Variants in SRGAP1 observed in about 807,000 individuals in gnomAD.
The protein encoded by SRGAP1 is SLIT-ROBO Rho GTPase activating protein 1.
In SRGAP1, 43 loss-of-function variants were observed where a neutral mutation model predicts 121.9. The observed-to-expected ratio is 0.35, with a 90% confidence interval of 0.28 to 0.46. SRGAP1 has a LOEUF of 0.46. Ranked by LOEUF, SRGAP1 falls within the 20% of genes least tolerant of loss-of-function variation. SRGAP1 has a pLI of 1.00. For synonymous variants in SRGAP1, 447 were observed against 485.4 expected (o/e 0.92, Z 1.04); for missense variants, 1,102 against 1,350.9 (o/e 0.82, Z 2.89).
chr12:64,028,087 G>A (rs1436434456), intron 4 of SRGAP1, among the ~76,000 whole-genome samples: 1 of 152,188 alleles, frequency 6.6e-6, no homozygotes, highest in Non-Finnish European at 1.5e-5. Flanking sequence ...AGTAAATTTG[G>A]TGGGCTTTCA....
intron 1 of SRGAP1, among the ~76,000 whole-genome samples, chr12:63,865,109 T>C (rs1358254625): frequency 3.3e-5 from 5 of 152,074 alleles, no homozygotes; most frequent in African/African-American, 4.8e-5. Flanking sequence ...TTAATCAAAA[T>C]AGGAAGCATT....
intron 1 of SRGAP1, among the ~76,000 whole-genome samples, chr12:63,903,704 G>A (rs1317251671): frequency 6.6e-6 from 1 of 151,856 alleles, no homozygotes; most frequent in African/African-American, 2.4e-5. Context: ...GTGTGGTCTT[G>A]GCTTACTGCA....
At chr12:63,906,621 A>G (rs1294929359) in intron 1 of SRGAP1, among the ~76,000 whole-genome samples, 4 of 151,930 alleles carry the variant, frequency 2.6e-5, no homozygotes, top group Admixed American at 2.0e-4. Context: ...CTGATTTTAC[A>G]TTTTACTTAT....
Position 64,097,434 on chromosome 12 carries a change from G to A in SRGAP1, c.1813+59G>A, listed in dbSNP as rs934198889. 33 of 1,579,708 alleles carry A rather than the reference G, an allele frequency of 2.1e-5. No individual in the cohort carries two copies. In the African/African-American group the frequency reaches 4.1e-4, roughly 19 times the overall value. On this transcript the variant is annotated intron_variant, in intron 15 of 21. Transcript: ENST00000355086. ...GAATTATTTCACTAGCTAACTTCCT[G>A]GAAAAGGCAGTGGCCCCCCTCCATA...
chr12:64,060,455 A>G (rs2035430503), intron 6 of SRGAP1, among the ~76,000 whole-genome samples: 1 of 151,456 alleles, frequency 6.6e-6, no homozygotes, highest in Non-Finnish European at 1.5e-5. Flanking sequence ...CAGTCCTCCC[A>G]CCTTGGCCCC....
chr12:64,001,156 C>T (rs1434507671), intron 3 of SRGAP1, among the ~76,000 whole-genome samples: 1 of 152,088 alleles, frequency 6.6e-6, no homozygotes, highest in Non-Finnish European at 1.5e-5. Context: ...AAAAAGAACA[C>T]AGATTAGGTC....
At chr12:63,980,187 G>A (rs1344976647) in intron 1 of SRGAP1, among the ~76,000 whole-genome samples, 4 of 152,166 alleles carry the variant, frequency 2.6e-5, no homozygotes, top group African/African-American at 9.7e-5. Flanking sequence ...TGGGTAGTTG[G>A]GATTGCAGGC....
chr12:64,048,877 A>G (rs2035184692), intron 6 of SRGAP1, among the ~76,000 whole-genome samples: 1 of 151,842 alleles, frequency 6.6e-6, no homozygotes, highest in Admixed American at 6.6e-5. Context: ...GAGTTGTTTG[A>G]GCTCCTTATA....
chr12:64,030,581 A>G (rs1187817784), intron 4 of SRGAP1, among the ~76,000 whole-genome samples: 1 of 152,236 alleles, frequency 6.6e-6, no homozygotes, highest in East Asian at 1.9e-4. Context: ...ATCATGGTTA[A>G]ATTTAGCATT....
At chr12:63,857,495 C>T (rs1338775082) in intron 1 of SRGAP1, among the ~76,000 whole-genome samples, 2 of 152,132 alleles carry the variant, frequency 1.3e-5, no homozygotes, top group African/African-American at 4.8e-5. Context: ...AATTCTCCTG[C>T]CTCAGCCTCC....
chr12:63,858,436 C>T (rs1024699493), intron 1 of SRGAP1, among the ~76,000 whole-genome samples: 1 of 151,894 alleles, frequency 6.6e-6, no homozygotes, highest in African/African-American at 2.4e-5. Context: ...CTGCCTCGGC[C>T]TTTCAAAGTG....
At chr12:64,142,173 A>G (rs567672965) in intron 21 of SRGAP1, 122 bp from the exon 22 acceptor site, 3 of 952,538 alleles carry the variant, frequency 3.1e-6, no homozygotes, top group Non-Finnish European at 4.7e-6. Flanking sequence ...TCTGCAGACT[A>G]TGGAGTCAAA....
intron 6 of SRGAP1, among the ~76,000 whole-genome samples, chr12:64,061,547 T>C (rs2035450283): frequency 6.6e-6 from 1 of 152,224 alleles, no homozygotes; most frequent in Non-Finnish European, 1.5e-5. Flanking sequence ...TTTATGGAGA[T>C]ACAATTCACA....
chr12:63,896,600 C>A (rs1465433658), intron 1 of SRGAP1, among the ~76,000 whole-genome samples: 1 of 152,150 alleles, frequency 6.6e-6, no homozygotes, highest in African/African-American at 2.4e-5. Context: ...TGGTCTAAAT[C>A]CATTGCCAAG....
intron 1 of SRGAP1, among the ~76,000 whole-genome samples, chr12:63,937,521 CTA>C (rs570486806): frequency 6.6e-6 from 1 of 152,124 alleles, no homozygotes; most frequent in Non-Finnish European, 1.5e-5. Context: ...TGTGACTTGT[CTA>C]TGACATCTGG....
intron 8 of SRGAP1, among the ~76,000 whole-genome samples, chr12:64,072,108 C>G (rs111269052): frequency 0.022 from 1,742 of 80,300 alleles, 46 homozygotes; most frequent in African/African-American, 0.062. Context: ...CAATCTCTCT[C>G]TGTGTGTGTG....
chr12:64,108,721 G>A (rs1565684220), intron 15 of SRGAP1: 1 of 365,538 alleles, frequency 2.7e-6, no homozygotes, highest in Non-Finnish European at 4.9e-6. Context: ...CATGAAAATC[G>A]GAGAAAACGG....
intron 4 of SRGAP1, among the ~76,000 whole-genome samples, chr12:64,026,047 T>C (rs2034647082): frequency 6.6e-6 from 1 of 152,076 alleles, no homozygotes; most frequent in African/African-American, 2.4e-5. Context: ...GAATTAGTTA[T>C]GATTAATGTT....
At chr12:64,138,252 G>T (rs918089701) in intron 21 of SRGAP1, among the ~76,000 whole-genome samples, 1 of 151,778 alleles carries the variant, frequency 6.6e-6, no homozygotes, top group African/African-American at 2.4e-5. Context: ...TTCATTTAGT[G>T]TAATGTCCTC....
Sources: gnomAD v4.1 joint callset for allele counts (sites outside exome capture counted in the v4.1 genomes callset) on GRCh38, gnomAD v4.1.1 for gene constraint, MANE v1.5 for transcripts, NCBI Gene and HGNC (gene_info 2026-07-23, HGNC 2026-07-21) for gene names.